The following DKK4 variants were observed in gnomAD, a reference collection of about 807,000 sequenced individuals.
The protein encoded by DKK4 is dickkopf-related protein 4.
In DKK4, 15 loss-of-function variants were observed where a neutral mutation model predicts 14.5. The observed-to-expected ratio is 1.03, with a 90% confidence interval of 0.69 to 1.59. The LOEUF is 1.59. DKK4 is among the 40% of genes most tolerant of loss of function. The pLI, the probability that DKK4 is intolerant of heterozygous loss-of-function variation, is 0.00. For missense variants in DKK4, 272 were observed against 280.3 expected, an observed-to-expected ratio of 0.97 and a Z score of 0.21; for synonymous variants, 89 against 105.2, an observed-to-expected ratio of 0.85 and a Z score of 0.94.
chr8:42,384,100 G>A, the DKK4 span, among the ~76,000 whole-genome samples: 1 of 152,124 alleles, frequency 6.6e-6, no homozygotes, highest in Non-Finnish European at 1.5e-5. Context: ...AAAACATGGT[G>A]GGGGGAGGTC....
chr8:42,391,037 C>T, the DKK4 span, among the ~76,000 whole-genome samples: 3 of 152,182 alleles, frequency 2.0e-5, no homozygotes, highest in Non-Finnish European at 2.9e-5. Flanking sequence ...GTCATCTATT[C>T]TACCTTTATT....
upstream of DKK4, among the ~76,000 whole-genome samples, chr8:42,381,465 T>C (rs1158810497): frequency 1.3e-5 from 2 of 152,192 alleles, no homozygotes; most frequent in African/African-American, 4.8e-5. Flanking sequence ...AAGCACCAGA[T>C]GCCAGAGGAT....
rs1244775804 is a variant in DKK4, at chr8:42,376,934, C to A, written c.111+1G>T. The A allele has an allele frequency of 2.5e-6, 4 of 1,613,450 alleles. No individual in the cohort carries two copies. The Admixed American group carries it at 5.0e-5, about 20-fold the overall frequency. On this transcript the variant is annotated splice_donor_variant, in intron 1 of 3. Transcript: ENST00000220812. LOFTEE classifies it high-confidence loss of function. ...CTCGCCCCCCTCCCTAGCAGCCTTACCTTCCGGGCCCCATGCAGGTCAGCA... is the reference window on the plus strand; with the variant it reads ...CTCGCCCCCCTCCCTAGCAGCCTTAACTTCCGGGCCCCATGCAGGTCAGCA...
chr8:42,389,878 G>A, the DKK4 span, among the ~76,000 whole-genome samples: 21 of 151,262 alleles, frequency 1.4e-4, no homozygotes, highest in African/African-American at 2.7e-4. Flanking sequence ...CATAACCAAC[G>A]TACACTATCC....
At chr8:42,390,831 A>T in the DKK4 span, among the ~76,000 whole-genome samples, 1 of 152,136 alleles carries the variant, frequency 6.6e-6, no homozygotes, top group Non-Finnish European at 1.5e-5. Flanking sequence ...TGTGCCTCAC[A>T]CCAGGGGCAT....
At chr8:42,388,712 AG>A in the DKK4 span, among the ~76,000 whole-genome samples, 1 of 151,402 alleles carries the variant, frequency 6.6e-6, no homozygotes, top group African/African-American at 2.4e-5. Context: ...CTGGGACTAC[AG>A]GCGCACACCA....
the DKK4 span, among the ~76,000 whole-genome samples, chr8:42,386,260 T>C: frequency 6.6e-6 from 1 of 152,144 alleles, no homozygotes; most frequent in East Asian, 1.9e-4. Context: ...CAACTTGATG[T>C]TTATGTTTAT....
chr8:42,376,813 A>G, intron 1 of DKK4, 122 bp downstream of exon 1: 2 of 790,252 alleles, frequency 2.5e-6, no homozygotes, highest in Non-Finnish European at 4.1e-6. Context: ...ATCCGAAACC[A>G]ATTCAATTTA....
chr8:42,385,456 TCA>T, the DKK4 span, among the ~76,000 whole-genome samples: 1 of 152,142 alleles, frequency 6.6e-6, no homozygotes, highest in Admixed American at 6.6e-5. Context: ...TAGAAAGTCC[TCA>T]GACACAGCTC....
chr8:42,374,375 T>C lies in DKK4; in HGVS notation c.416-16A>G, dbSNP rs1433429959. 17 of 1,612,884 alleles carry C rather than the reference T, an allele frequency of 1.1e-5. No individual in the cohort carries two copies. In the East Asian group the frequency reaches 2.2e-4, roughly 21 times the overall value. ...CCCTCTTGTCCTGTAACAAGGTTAA[T>C]GTGGGCTTTAGTGATAAATAAGGAA... is the stretch of plus-strand genomic sequence containing the variant. On this transcript the variant is annotated splice_polypyrimidine_tract_variant and intron_variant, in intron 3 of 3. Coordinates refer to ENST00000220812, the MANE Select transcript of DKK4 (RefSeq NM_014420.3).
upstream of DKK4, among the ~76,000 whole-genome samples, chr8:42,381,660 TA>T (rs56186841): frequency 1.3e-5 from 2 of 152,120 alleles, no homozygotes; most frequent in Admixed American, 6.5e-5. Flanking sequence ...ACAGCGCTTC[TA>T]AAACCCCACT....
upstream of DKK4, among the ~76,000 whole-genome samples, chr8:42,379,398 G>T (rs1295617407): frequency 2.2e-3 from 244 of 111,142 alleles, 5 homozygotes; most frequent in Middle Eastern, 0.013. Flanking sequence ...GAGAGAGAGA[G>T]AGAGAGAGAG....
rs765603868 is a variant in DKK4, at chr8:42,374,298, A to C, written c.477T>G (p.Arg159=). ...FDCGPGLCCA[R]HFWTKICKPV... Reference sequence around the variant, plus strand: ...GCTTACAAATTTTCGTCCAAAAATGACGAGCACAGCAAAGTCCAGGGCCAC... The same window carrying C: ...GCTTACAAATTTTCGTCCAAAAATGCCGAGCACAGCAAAGTCCAGGGCCAC... The change falls in exon 4 of 4, where the codon CGT becomes CGG. Residue 159 remains arginine, a synonymous_variant. Coordinates refer to ENST00000220812, the MANE Select transcript of DKK4 (RefSeq NM_014420.3). 1 of 1,612,006 alleles carries C rather than the reference A, an allele frequency of 6.2e-7. No individual in the cohort carries two copies. Among genetic ancestry groups the C allele is most frequent in the South Asian group, 1.1e-5 (1 of 90,832 alleles).
the DKK4 span, among the ~76,000 whole-genome samples, chr8:42,383,665 G>A: frequency 2.0e-5 from 3 of 152,220 alleles, no homozygotes; most frequent in Non-Finnish European, 4.4e-5. Flanking sequence ...CAGGTTGGCC[G>A]GGCACGGTGG....
chr8:42,377,936 C>A (rs1824594630), upstream of DKK4, among the ~76,000 whole-genome samples: 1 of 152,204 alleles, frequency 6.6e-6, no homozygotes, highest in Non-Finnish European at 1.5e-5. Context: ...CAGTACGAAG[C>A]TTTGGGTCCA....
At chr8:42,389,206 C>G in the DKK4 span, among the ~76,000 whole-genome samples, 1 of 152,224 alleles carries the variant, frequency 6.6e-6, no homozygotes, top group East Asian at 1.9e-4. Context: ...GTCTTCCAAA[C>G]TGCTAGGATT....
intron 1 of DKK4, among the ~76,000 whole-genome samples, chr8:42,376,539 G>T (rs1192154921): frequency 2.0e-5 from 3 of 152,122 alleles, no homozygotes; most frequent in East Asian, 1.9e-4. Context: ...TTGCTTGCTG[G>T]CTGTGTGAGC....
chr8:42,385,173 C>T, the DKK4 span, among the ~76,000 whole-genome samples: 4 of 152,146 alleles, frequency 2.6e-5, no homozygotes, highest in East Asian at 7.7e-4. Context: ...AGGAGGATTG[C>T]TTGAGCCCAG....
upstream of DKK4, among the ~76,000 whole-genome samples, chr8:42,379,532 T>C (rs906246434): frequency 6.6e-6 from 1 of 151,114 alleles, no homozygotes; most frequent in Non-Finnish European, 1.5e-5. Context: ...GATTTCAATG[T>C]ATTATGACAA....
Sources: allele counts gnomAD v4.1 joint callset (sites outside exome capture counted in the v4.1 genomes callset), GRCh38; gene constraint gnomAD v4.1.1; transcripts MANE v1.5; gene names NCBI Gene and HGNC (gene_info 2026-07-23, HGNC 2026-07-21).